ZFHX3: variants seen among roughly 807,000 people sequenced by gnomAD.
The protein encoded by ZFHX3 is zinc finger homeobox 3, also known as zinc finger homeobox protein 3.
ZFHX3 carries 42 observed loss-of-function variants against 279.1 expected under a neutral mutation model. That is an observed-to-expected ratio of 0.15 (90% CI 0.12 to 0.19). The LOEUF (loss-of-function observed/expected upper bound fraction) is 0.19. Ranked by LOEUF, ZFHX3 falls within the 10% of genes least tolerant of loss-of-function variation. The pLI is 1.00. For missense variants in ZFHX3, 4,981 were observed against 4,754.0 expected, an observed-to-expected ratio of 1.05 and a Z score of -1.40; for synonymous variants, 2,293 against 1,957.8, an observed-to-expected ratio of 1.17 and a Z score of -4.52.
chr16:72,960,430 G>A (rs946997005), intron 1 of ZFHX3, among the ~76,000 whole-genome samples: 4 of 152,164 alleles, frequency 2.6e-5, no homozygotes, highest in South Asian at 4.1e-4. Flanking sequence ...GGGAAAGAAG[G>A]CCAGGAACAG....
chr16:73,375,450 A>G (rs1444072957), intron 3 of ZFHX3, among the ~76,000 whole-genome samples: 6 of 152,204 alleles, frequency 3.9e-5, no homozygotes, highest in Non-Finnish European at 7.3e-5. Flanking sequence ...TTTGGATGTT[A>G]GGGTTGGTCA....
chr16:73,890,387 C>A (rs1296621681), intron 1 of ZFHX3, among the ~76,000 whole-genome samples: 1 of 152,170 alleles, frequency 6.6e-6, no homozygotes, highest in East Asian at 1.9e-4. Flanking sequence ...TTCAGACCTG[C>A]AACTAGCCGC....
chr16:73,483,108 C>T (rs2018899789), intron 2 of ZFHX3, among the ~76,000 whole-genome samples: 2 of 152,170 alleles, frequency 1.3e-5, no homozygotes, highest in African/African-American at 4.8e-5. Flanking sequence ...GAAACATCCC[C>T]TCCTCTGAAT....
At chr16:73,768,613 G>C (rs2053980914) in intron 1 of ZFHX3, among the ~76,000 whole-genome samples, 1 of 151,968 alleles carries the variant, frequency 6.6e-6, no homozygotes, top group Non-Finnish European at 1.5e-5. Flanking sequence ...CCATAACCTT[G>C]TTCTTGTCTG....
At chr16:73,741,494 G>C (rs1048170804) in intron 1 of ZFHX3, among the ~76,000 whole-genome samples, 1 of 152,108 alleles carries the variant, frequency 6.6e-6, no homozygotes, top group Non-Finnish European at 1.5e-5. Context: ...CTTAAGACAT[G>C]GGTGGAAGAG....
intron 1 of ZFHX3, among the ~76,000 whole-genome samples, chr16:73,746,736 G>C (rs1374536550): frequency 2.0e-5 from 3 of 152,162 alleles, no homozygotes; most frequent in African/African-American, 7.2e-5. Context: ...CCAGCAGTCT[G>C]AATCATTCCT....
chr16:73,267,392 G>C (rs1311680592), intron 4 of ZFHX3, among the ~76,000 whole-genome samples: 1 of 152,118 alleles, frequency 6.6e-6, no homozygotes, highest in Admixed American at 6.5e-5. Context: ...TTTCAGCGGG[G>C]AGAGTACTTC....
rs574721797 is a variant in ZFHX3 at position 73,539,047 on chromosome 16, G to A, written c.-1546-82789C>T. Among the ~76,000 whole-genome samples, 3 of 152,258 alleles carry A rather than the reference G, an allele frequency of 2.0e-5. No homozygotes were observed. In the South Asian group the frequency reaches 6.2e-4, roughly 32 times the overall value. Reference sequence around the variant, plus strand: ...TCCAGAGAGGGAAGATTGTATGTAGGGGGAAATGACAGCATTGAATTTTAA... The same window carrying A: ...TCCAGAGAGGGAAGATTGTATGTAGAGGGAAATGACAGCATTGAATTTTAA... On this transcript the variant is annotated intron_variant, in intron 2 of 17. Coordinates refer to the ZFHX3 transcript ENST00000641206.
intron 3 of ZFHX3, among the ~76,000 whole-genome samples, chr16:73,365,434 G>T (rs796304211): frequency 7.9e-5 from 12 of 152,288 alleles, no homozygotes; most frequent in African/African-American, 2.9e-4. Context: ...GCTTATAATG[G>T]AGGAGAGAAA....
In ZFHX3 at chr16:73,628,779, G is replaced by A. The variant is rs535640193; in HGVS notation, c.-1547+51401C>T. On this transcript the variant is annotated intron_variant, in intron 2 of 17. Transcript: ENST00000641206. ...AAATATAATACTAAAAGCAGCAAGC[G>A]TTTAGAACCAGACCTTTTAAAATGT... Among the ~76,000 whole-genome samples the A allele has an allele frequency of 4.6e-5, 7 of 152,304 alleles. No homozygotes were observed. The South Asian group carries it at 6.2e-4, about 14-fold the overall frequency.
intron 1 of ZFHX3, among the ~76,000 whole-genome samples, chr16:72,981,877 CTTTTTTTT>C (rs34508059): frequency 7.7e-6 from 1 of 130,718 alleles, no homozygotes; most frequent in Non-Finnish European, 1.6e-5. Flanking sequence ...ACACATTTTC[CTTTTTTTT>C]TTTTTTTTTT....
intron 1 of ZFHX3, among the ~76,000 whole-genome samples, chr16:72,989,518 C>CA (rs1962993335): frequency 6.6e-6 from 1 of 151,982 alleles, no homozygotes; most frequent in South Asian, 2.1e-4. Flanking sequence ...CAAACTCCAC[C>CA]AGCCAATGCG....
intron 2 of ZFHX3, among the ~76,000 whole-genome samples, chr16:73,664,461 C>A (rs1236636738): frequency 6.6e-6 from 1 of 152,184 alleles, no homozygotes; most frequent in Admixed American, 6.5e-5. Flanking sequence ...TATTTATATT[C>A]TTTCAGAAAC....
chr16:72,994,074 T>A (rs1286136785), intron 1 of ZFHX3, among the ~76,000 whole-genome samples: 3 of 152,196 alleles, frequency 2.0e-5, no homozygotes, highest in Non-Finnish European at 1.5e-5. Flanking sequence ...TCCACCAGAA[T>A]TCTTCTGTTC....
intron 1 of ZFHX3, among the ~76,000 whole-genome samples, chr16:73,821,229 C>A (rs1436074850): frequency 6.6e-6 from 1 of 152,174 alleles, no homozygotes; most frequent in Non-Finnish European, 1.5e-5. Flanking sequence ...TGTCCTGTGA[C>A]CTCTGATTTC....
chr16:73,240,352 G>A (rs905910496), intron 5 of ZFHX3, among the ~76,000 whole-genome samples: 10 of 151,982 alleles, frequency 6.6e-5, no homozygotes, highest in African/African-American at 2.4e-4. Context: ...CCGAGTAGCT[G>A]GGATTACAGG....
At chr16:72,889,274 T>G (rs73590756) in intron 4 of ZFHX3, among the ~76,000 whole-genome samples, 1,702 of 152,190 alleles carry the variant, frequency 0.011, 25 homozygotes, top group African/African-American at 0.038. Flanking sequence ...AGACCAGACT[T>G]TGAGGCCACA....
At chr16:73,207,320 T>C (rs569480918) in intron 5 of ZFHX3, among the ~76,000 whole-genome samples, 8 of 152,332 alleles carry the variant, frequency 5.3e-5, no homozygotes, top group African/African-American at 1.9e-4. Context: ...TTTTATGAAG[T>C]AAACGTTGTT....
At chr16:73,656,308 A>T (rs1055839393) in intron 2 of ZFHX3, among the ~76,000 whole-genome samples, 1 of 152,046 alleles carries the variant, frequency 6.6e-6, no homozygotes, top group East Asian at 1.9e-4. Flanking sequence ...TCTTGCAAGC[A>T]TAATGTTGAC....
Sources: gnomAD v4.1 joint callset for allele counts (sites outside exome capture counted in the v4.1 genomes callset) on GRCh38, gnomAD v4.1.1 for gene constraint, MANE v1.5 for transcripts, NCBI Gene and HGNC (gene_info 2026-07-23, HGNC 2026-07-21) for gene names.